Variants in STK32B observed in about 807,000 individuals in gnomAD.
STK32B encodes serine/threonine kinase 32B, also known as serine/threonine-protein kinase 32B.
STK32B carries 43 observed loss-of-function variants against 52.6 expected under a neutral mutation model. The observed-to-expected ratio is 0.82, with a 90% confidence interval of 0.64 to 1.05. The LOEUF is 1.05. Among genes scored for constraint, STK32B ranks in the 50% least tolerant of loss-of-function variants. The pLI, the probability that STK32B is intolerant of heterozygous loss-of-function variation, is 0.00. For synonymous variants in STK32B, 238 were observed against 204.3 expected, an observed-to-expected ratio of 1.17 and a Z score of -1.41; for missense variants, 621 against 534.6, an observed-to-expected ratio of 1.16 and a Z score of -1.59.
At chr4:5,331,432 C>A in intron 4 of STK32B, 39 bp downstream of exon 4, 1 of 1,577,586 alleles carries the variant, frequency 6.3e-7, no homozygotes, top group Non-Finnish European at 8.6e-7. Flanking sequence ...GACAGAGGGA[C>A]CATGGGCTAG....
chr4:5,328,147 T>G (rs1245175283), intron 3 of STK32B, among the ~76,000 whole-genome samples: 1 of 152,232 alleles, frequency 6.6e-6, no homozygotes, highest in African/African-American at 2.4e-5. Context: ...AGGATTTGTC[T>G]TAAGGGAATG....
chr4:5,445,084 C>G lies in STK32B; in HGVS notation c.563-1589C>G, dbSNP rs1715264476. Among the ~76,000 whole-genome samples the G allele has an allele frequency of 2.0e-5, 3 of 152,218 alleles. No homozygotes were observed. The South Asian group carries it at 6.2e-4, about 32-fold the overall frequency. Reference sequence around the variant, plus strand: ...GCATTTCCTGGCTGTGTGACCTCTTCATACTGCTGGCCCTCTCTGAACCTC... The same window carrying G: ...GCATTTCCTGGCTGTGTGACCTCTTGATACTGCTGGCCCTCTCTGAACCTC... On this transcript the variant is annotated intron_variant, in intron 6 of 11. Coordinates refer to ENST00000282908, the MANE Select transcript of STK32B (RefSeq NM_018401.3).
chr4:5,294,365 G>T (rs899723401), intron 3 of STK32B, among the ~76,000 whole-genome samples: 4 of 152,116 alleles, frequency 2.6e-5, no homozygotes, highest in Non-Finnish European at 5.9e-5. Context: ...ACTTTGGGCA[G>T]TATGGCCATT....
chr4:5,159,576 AATAT>A (rs371756619), intron 2 of STK32B, among the ~76,000 whole-genome samples: 2 of 57,958 alleles, frequency 3.5e-5, no homozygotes, highest in Non-Finnish European at 6.0e-5. Flanking sequence ...AATATATATG[AATAT>A]ATATATGAAT....
chr4:5,274,035 C>T (rs994827011), intron 3 of STK32B, among the ~76,000 whole-genome samples: 1 of 152,006 alleles, frequency 6.6e-6, no homozygotes, highest in Non-Finnish European at 1.5e-5. Flanking sequence ...AAAAAAGACT[C>T]AATATTGCTA....
intron 1 of STK32B, among the ~76,000 whole-genome samples, chr4:5,077,638 C>A (rs1392862968): frequency 2.6e-5 from 4 of 152,106 alleles, no homozygotes; most frequent in African/African-American, 9.7e-5. Context: ...GCTCAAAATA[C>A]CTCTTACCTA....
chr4:5,144,500 C>G (rs1399322115), intron 2 of STK32B, among the ~76,000 whole-genome samples: 1 of 152,090 alleles, frequency 6.6e-6, no homozygotes, highest in Non-Finnish European at 1.5e-5. Flanking sequence ...TGTCTGGACA[C>G]AAATATGGTA....
rs1560378010 is a variant in STK32B, at chr4:5,394,384, G to GGAGCT, written c.435-3819_435-3815dup. On this transcript the variant is annotated intron_variant, in intron 4 of 11. Transcript: ENST00000282908. This position sits in a 1 kb window ranked among gnomAD's most constrained non-coding sequence, Gnocchi z 4.2. Reference sequence around the variant, plus strand: ...CCCGTTTTCAACAGGATGACGCGCTGGAGCTGAGATACGATCAATGTGAAA... The same window carrying GGAGCT: ...CCCGTTTTCAACAGGATGACGCGCTGGAGCTGAGCTGAGATACGATCAATGTGAAA... 6.6e-6 allele frequency among the ~76,000 whole-genome samples: 1 copy of GGAGCT among 152,204 alleles called. No homozygotes were observed. The highest frequency in any genetic ancestry group is 2.4e-5 in the African/African-American group (1 of 41,452).
chr4:5,304,822 GT>G (rs377069215), intron 3 of STK32B, among the ~76,000 whole-genome samples: 143 of 152,198 alleles, frequency 9.4e-4, no homozygotes, highest in African/African-American at 3.3e-3. Flanking sequence ...TTGGCTGTGG[GT>G]TTGTCATAGA....
chr4:5,326,460 G>A (rs573756567), intron 3 of STK32B, among the ~76,000 whole-genome samples: 5 of 152,278 alleles, frequency 3.3e-5, no homozygotes, highest in South Asian at 2.1e-4. Context: ...GTGGGAGCCA[G>A]TACCTCCAAC....
chr4:5,184,700 AG>A (rs200814393), intron 3 of STK32B, among the ~76,000 whole-genome samples: 22 of 142,250 alleles, frequency 1.5e-4, no homozygotes, highest in Non-Finnish European at 1.7e-4. Flanking sequence ...AAAAAAAAGA[AG>A]AAGAAGAAGA....
chr4:5,272,230 G>T (rs1371406613), intron 3 of STK32B, among the ~76,000 whole-genome samples: 1 of 145,354 alleles, frequency 6.9e-6, no homozygotes, highest in East Asian at 2.0e-4. Context: ...GTTGAATTTT[G>T]TCAAAGGCTT....
At chr4:5,358,448 C>T (rs183329622) in intron 4 of STK32B, among the ~76,000 whole-genome samples, 91 of 152,270 alleles carry the variant, frequency 6.0e-4, no homozygotes, top group African/African-American at 2.0e-3. Flanking sequence ...GCTTTATTCC[C>T]GTGTTCTCCC....
chr4:5,317,144 G>A (rs1222476903), intron 3 of STK32B, among the ~76,000 whole-genome samples: 7 of 30,122 alleles, frequency 2.3e-4, no homozygotes, highest in East Asian at 1.3e-3. Flanking sequence ...TAATATATAT[G>A]TATAATATAC....
intron 4 of STK32B, among the ~76,000 whole-genome samples, chr4:5,345,118 T>A (rs552560451): frequency 1.3e-5 from 2 of 152,096 alleles, no homozygotes; most frequent in African/African-American, 4.8e-5. Context: ...AGTATAGAAA[T>A]GCTAATTTTT....
intron 1 of STK32B, among the ~76,000 whole-genome samples, chr4:5,056,222 CTG>C (rs1294098921): frequency 6.6e-6 from 1 of 152,136 alleles, no homozygotes; most frequent in Non-Finnish European, 1.5e-5. Flanking sequence ...CAGTTTCATC[CTG>C]AAACTATCCT....
chr4:5,164,596 C>G (rs1191279410), intron 2 of STK32B, among the ~76,000 whole-genome samples: 4 of 152,236 alleles, frequency 2.6e-5, no homozygotes, highest in Non-Finnish European at 5.9e-5. Flanking sequence ...ATTAAGGTGG[C>G]AGCATGGTCA....
intron 2 of STK32B, among the ~76,000 whole-genome samples, chr4:5,162,778 G>T (rs1162450325): frequency 6.6e-6 from 1 of 152,188 alleles, no homozygotes; most frequent in South Asian, 2.1e-4. Flanking sequence ...AAACTTAGGC[G>T]AGGTGCCACT....
chr4:5,315,145 A>G (rs939140673), intron 3 of STK32B, among the ~76,000 whole-genome samples: 12 of 152,204 alleles, frequency 7.9e-5, no homozygotes, highest in African/African-American at 1.9e-4. Context: ...TTTTAATCCA[A>G]TTAAAAAATG....
Sources: allele counts gnomAD v4.1 joint callset (sites outside exome capture counted in the v4.1 genomes callset), GRCh38; gene constraint gnomAD v4.1.1; non-coding constraint Gnocchi (gnomAD v3.1); transcripts MANE v1.5; gene names NCBI Gene and HGNC (gene_info 2026-07-23, HGNC 2026-07-21).